The following PDE10A variants were observed in gnomAD, a reference collection of about 807,000 sequenced individuals.
The protein encoded by PDE10A is cAMP and cAMP-inhibited cGMP 3',5'-cyclic phosphodiesterase 10A.
Under a neutral mutation model 97.7 loss-of-function variants are expected in PDE10A, and 39 were observed. The observed-to-expected ratio is 0.40, with a 90% CI of 0.31 to 0.52. PDE10A has a LOEUF of 0.52. Ranked by LOEUF, PDE10A falls within the 20% of genes least tolerant of loss-of-function variation. The probability of loss-of-function intolerance (pLI) is 0.56; values close to 1 mark genes in which losing one functional copy is unlikely to be tolerated. For missense variants in PDE10A, 731 were observed against 1,047.8 expected (o/e 0.70, Z 4.17); for synonymous variants, 371 against 376.8 (o/e 0.98, Z 0.18).
chr6:165,692,153 G>A (rs4424058), intron 1 of PDE10A, among the ~76,000 whole-genome samples: 14,232 of 152,226 alleles, frequency 0.093, 1,447 homozygotes, highest in African/African-American at 0.25. Flanking sequence ...GCCATGCAGC[G>A]TGACAGGGAG....
chr6:165,670,424 G>A (rs552437666), intron 1 of PDE10A, among the ~76,000 whole-genome samples: 1 of 152,204 alleles, frequency 6.6e-6, no homozygotes, highest in South Asian at 2.1e-4. Context: ...AAACATAAAG[G>A]CCTTCCCACA....
chr6:165,427,516 A>C (rs1789249143), intron 10 of PDE10A, among the ~76,000 whole-genome samples: 1 of 152,138 alleles, frequency 6.6e-6, no homozygotes, highest in African/African-American at 2.4e-5. Flanking sequence ...GATGATAGCT[A>C]AAAGGGTATC....
intron 1 of PDE10A, among the ~76,000 whole-genome samples, chr6:165,864,828 G>C (rs1583207519): frequency 1.3e-5 from 2 of 152,138 alleles, no homozygotes; most frequent in African/African-American, 4.8e-5. Context: ...ATCAAATGAA[G>C]AATTTCAATA....
At chr6:165,369,650 C>A in intron 18 of PDE10A, among the ~76,000 whole-genome samples, 1 of 143,452 alleles carries the variant, frequency 7.0e-6, no homozygotes, top group East Asian at 2.0e-4. Context: ...TTGGAAAACA[C>A]TCTGCAGGAT....
chr6:165,682,618 G>A (rs1286861791), intron 1 of PDE10A, among the ~76,000 whole-genome samples: 3 of 152,054 alleles, frequency 2.0e-5, no homozygotes, highest in East Asian at 1.9e-4. Flanking sequence ...GGCTATCTAC[G>A]AACCGGAAAG....
rs75875158 is a variant in PDE10A, at chr6:165,655,094, G to A, written c.865+6853C>T. Among the ~76,000 whole-genome samples the A allele has an allele frequency of 1.1e-3, 173 of 152,252 alleles. 1 individual carries two copies. Among genetic ancestry groups the A allele is most frequent in the Middle Eastern group, 3.4e-3 (1 of 294 alleles). On this transcript the variant is annotated intron_variant, in intron 1 of 21. Transcript: ENST00000539869. This position sits in a 1 kb window ranked among gnomAD's most constrained non-coding sequence, Gnocchi z 4.5. Reference sequence around the variant, plus strand: ...GAATTCCAGCGGGCCGTCCGTTCGCGTGTCAAACTTCAGCCAGGCACTTAC... The same window carrying A: ...GAATTCCAGCGGGCCGTCCGTTCGCATGTCAAACTTCAGCCAGGCACTTAC...
At chr6:165,412,738 C>A (rs2128227350) in intron 13 of PDE10A, among the ~76,000 whole-genome samples, 1 of 152,104 alleles carries the variant, frequency 6.6e-6, no homozygotes, top group Non-Finnish European at 1.5e-5. Flanking sequence ...GAATCCAGTC[C>A]TACTCCCAAA....
chr6:165,462,679 A>G (rs984893500), intron 3 of PDE10A, among the ~76,000 whole-genome samples: 1 of 152,208 alleles, frequency 6.6e-6, no homozygotes, highest in East Asian at 1.9e-4. Context: ...ACAGATCAAG[A>G]AGCTGTCACA....
chr6:165,431,311 A>G, intron 8 of PDE10A, 111 bp downstream of exon 8: 1 of 573,082 alleles, frequency 1.7e-6, no homozygotes, highest in Non-Finnish European at 3.1e-6. Context: ...AAATTGTAAT[A>G]TCCCAAAATA....
chr6:165,614,399 G>T (rs1395029920), intron 1 of PDE10A, among the ~76,000 whole-genome samples: 1 of 151,964 alleles, frequency 6.6e-6, no homozygotes, highest in Non-Finnish European at 1.5e-5. Flanking sequence ...ACCTTCCTAG[G>T]ATAACTCCAA....
intron 1 of PDE10A, among the ~76,000 whole-genome samples, chr6:165,732,111 T>C (rs1792453162): frequency 6.6e-6 from 1 of 152,240 alleles, no homozygotes; most frequent in Non-Finnish European, 1.5e-5. Context: ...ATCAGGAAGC[T>C]GAAGAGAGAA....
intron 1 of PDE10A, among the ~76,000 whole-genome samples, chr6:165,733,081 G>A (rs1792480165): frequency 6.6e-6 from 1 of 152,126 alleles, no homozygotes; most frequent in Non-Finnish European, 1.5e-5. Flanking sequence ...TTCCAGAAAC[G>A]GCGTGTGTTT....
intron 1 of PDE10A, among the ~76,000 whole-genome samples, chr6:165,629,603 G>A (rs12212126): frequency 0.51 from 76,839 of 150,110 alleles, 21,377 homozygotes; most frequent in East Asian, 0.73. Flanking sequence ...GTGCCGTCTC[G>A]GCTCACTGAA....
intron 2 of PDE10A, among the ~76,000 whole-genome samples, chr6:165,515,654 G>T (rs899092982): frequency 3.3e-5 from 5 of 150,690 alleles, no homozygotes; most frequent in Admixed American, 6.6e-5. Context: ...CTCCCAAGTT[G>T]CTGGGACTAC....
At chr6:165,592,146 T>TC (rs758499295) in intron 1 of PDE10A, among the ~76,000 whole-genome samples, 1 of 152,032 alleles carries the variant, frequency 6.6e-6, no homozygotes, top group Non-Finnish European at 1.5e-5. Flanking sequence ...GCCTCAGAAA[T>TC]AACGCCACAC....
At chr6:165,825,870 C>T (rs527923993) in intron 1 of PDE10A, among the ~76,000 whole-genome samples, 1 of 152,328 alleles carries the variant, frequency 6.6e-6, no homozygotes, top group African/African-American at 2.4e-5. Context: ...TACCCGGCTT[C>T]ACCATTTTCT....
intron 1 of PDE10A, among the ~76,000 whole-genome samples, chr6:165,596,734 C>A (rs544182099): frequency 2.0e-5 from 3 of 151,790 alleles, no homozygotes; most frequent in African/African-American, 7.3e-5. Context: ...GTCACACACA[C>A]ACAAAAAAAA....
chr6:165,880,121 C>T (rs1444978034), intron 1 of PDE10A, among the ~76,000 whole-genome samples: 1 of 152,068 alleles, frequency 6.6e-6, no homozygotes, highest in Non-Finnish European at 1.5e-5. Context: ...AAGAGGAGGC[C>T]TGTACAGCAC....
At chr6:165,601,182 T>C (rs943505038) in intron 1 of PDE10A, among the ~76,000 whole-genome samples, 1 of 152,156 alleles carries the variant, frequency 6.6e-6, no homozygotes, top group Non-Finnish European at 1.5e-5. Context: ...CATTTTTCCT[T>C]TTGCTGCCAC....
Sources: allele counts gnomAD v4.1 joint callset (sites outside exome capture counted in the v4.1 genomes callset), GRCh38; gene constraint gnomAD v4.1.1; non-coding constraint Gnocchi (gnomAD v3.1); transcripts MANE v1.5; gene names NCBI Gene and HGNC (gene_info 2026-07-23, HGNC 2026-07-21).